PCSK5: variants seen among roughly 807,000 people sequenced by gnomAD.
PCSK5 encodes prohormone convertase 5.
PCSK5 carries 129 observed loss-of-function variants against 233.2 expected under a neutral mutation model. The ratio of observed to expected loss-of-function variants is 0.55; its 90% CI spans 0.48 to 0.64. PCSK5 has a LOEUF of 0.64. Among genes scored for constraint, PCSK5 ranks in the 30% least tolerant of loss-of-function variants. The pLI, the probability that PCSK5 is intolerant of heterozygous loss-of-function variation, is 0.00. For synonymous variants in PCSK5, 825 were observed against 879.2 expected, an observed-to-expected ratio of 0.94 and a Z score of 1.09; for missense variants, 2,076 against 2,430.1, an observed-to-expected ratio of 0.85 and a Z score of 3.06.
At position 76,362,779 on chromosome 9, in the gene PCSK5, G is replaced by C. The variant is rs924478371; in HGVS notation, c.*3857G>C. Among the ~76,000 whole-genome samples the C allele has an allele frequency of 2.0e-5, 3 of 152,178 alleles. No individual in the cohort carries two copies. Among genetic ancestry groups the C allele is most frequent in the African/African-American group, 7.2e-5 (3 of 41,450 alleles). On this transcript the variant is annotated 3_prime_UTR_variant, in exon 38 of 38. Coordinates refer to ENST00000674117, the MANE Select transcript of PCSK5 (RefSeq NM_001372043.1). Reference sequence around the variant, plus strand: ...ATTGTAAAAATCCCTGTCCTGTGCTGTTTCGTTCTGATTACTGGTGCATGC... The same window carrying C: ...ATTGTAAAAATCCCTGTCCTGTGCTCTTTCGTTCTGATTACTGGTGCATGC...
intron 24 of PCSK5, among the ~76,000 whole-genome samples, chr9:76,268,817 T>A (rs1827420703): frequency 6.6e-6 from 1 of 152,114 alleles, no homozygotes; most frequent in African/African-American, 2.4e-5. Flanking sequence ...TGCACTCCAG[T>A]CTGGGTGACA....
chr9:75,908,626 T>A (rs900010226), intron 1 of PCSK5, among the ~76,000 whole-genome samples: 14 of 152,236 alleles, frequency 9.2e-5, no homozygotes, highest in Non-Finnish European at 2.9e-5. Context: ...CCTGCTTTTC[T>A]GCCTCTACTC....
chr9:76,117,664 A>G (rs950001253), intron 9 of PCSK5, among the ~76,000 whole-genome samples: 10 of 152,162 alleles, frequency 6.6e-5, no homozygotes, highest in African/African-American at 2.4e-4. Context: ...TTACATTCCT[A>G]TAACAAATTT....
At chr9:76,020,733 C>T (rs74409646) in intron 3 of PCSK5, among the ~76,000 whole-genome samples, 6,951 of 152,290 alleles carry the variant, frequency 0.046, 191 homozygotes, top group South Asian at 0.1. Flanking sequence ...TTTCCGTAGA[C>T]GGCTGGTTTT....
intron 20 of PCSK5, among the ~76,000 whole-genome samples, chr9:76,221,601 T>A (rs1440183728): frequency 6.6e-6 from 1 of 152,206 alleles, no homozygotes; most frequent in African/African-American, 2.4e-5. Context: ...GATTGCTACA[T>A]CACTACTACA....
chr9:76,276,916 ATGC>A (rs1180310713), intron 24 of PCSK5, among the ~76,000 whole-genome samples: 8 of 152,148 alleles, frequency 5.3e-5, no homozygotes, highest in Non-Finnish European at 1.2e-4. Context: ...ACAAAAATTT[ATGC>A]TTTGTTTTCA....
chr9:75,930,436 G>A (rs1823734044), intron 1 of PCSK5, among the ~76,000 whole-genome samples: 2 of 152,184 alleles, frequency 1.3e-5, no homozygotes, highest in African/African-American at 4.8e-5. Context: ...CAGTGAGTTA[G>A]ATGAAGCGTA....
intron 3 of PCSK5, among the ~76,000 whole-genome samples, chr9:75,986,671 G>T (rs1053843420): frequency 6.6e-6 from 1 of 152,194 alleles, no homozygotes; most frequent in South Asian, 2.1e-4. Flanking sequence ...CTGCTGGTAA[G>T]TAATAGGCCC....
intron 32 of PCSK5, among the ~76,000 whole-genome samples, chr9:76,325,694 A>G (rs926725975): frequency 1.3e-5 from 2 of 150,606 alleles, no homozygotes; most frequent in African/African-American, 4.9e-5. Context: ...CTGGAGTGCA[A>G]TGGCGCGATC....
intron 35 of PCSK5, among the ~76,000 whole-genome samples, chr9:76,345,405 G>C (rs538631735): frequency 4.0e-5 from 6 of 150,702 alleles, no homozygotes; most frequent in Non-Finnish European, 7.4e-5. Context: ...GCTTATTTTC[G>C]TATTCTTTGT....
intron 36 of PCSK5, among the ~76,000 whole-genome samples, chr9:76,351,448 G>GGAAAGAA (rs1830124092): frequency 2.3e-5 from 1 of 43,262 alleles, no homozygotes; most frequent in Non-Finnish European, 4.2e-5. Context: ...TGAAAGAAAG[G>GGAAAGAA]AAAGAAAGAA....
rs764689194 is a variant in PCSK5, at chr9:76,338,465, A to G, written c.4966+18A>G. 1 of 1,545,570 alleles carries G rather than the reference A, an allele frequency of 6.5e-7. No individual in the cohort carries two copies. Among genetic ancestry groups the G allele is most frequent in the East Asian group, 2.3e-5 (1 of 44,444 alleles). Reference sequence around the variant, plus strand: ...ATGCAAAGGTGAGAGTCTACCTGTCATTTTGCATGAGTGCGTAGAAAAATG... The same window carrying G: ...ATGCAAAGGTGAGAGTCTACCTGTCGTTTTGCATGAGTGCGTAGAAAAATG... On this transcript the variant is annotated intron_variant, in intron 35 of 37. Transcript: ENST00000674117.
At chr9:76,265,075 C>T (rs561778935) in intron 24 of PCSK5, among the ~76,000 whole-genome samples, 21 of 152,038 alleles carry the variant, frequency 1.4e-4, no homozygotes, top group African/African-American at 4.6e-4. Flanking sequence ...ACTATGCAGC[C>T]ATAAAAAAGA....
At chr9:75,945,032 T>C (rs1824499138) in intron 2 of PCSK5, among the ~76,000 whole-genome samples, 1 of 151,480 alleles carries the variant, frequency 6.6e-6, no homozygotes, top group Non-Finnish European at 1.5e-5. Flanking sequence ...TTGCTTGAAC[T>C]CGGGAGGTGG....
chr9:76,035,829 A>C (rs1298005716), intron 5 of PCSK5, among the ~76,000 whole-genome samples: 1 of 152,156 alleles, frequency 6.6e-6, no homozygotes, highest in Non-Finnish European at 1.5e-5. Context: ...TAAGAGGTAG[A>C]GACTGAGGCC....
intron 33 of PCSK5, among the ~76,000 whole-genome samples, chr9:76,332,051 T>C (rs1829551644): frequency 6.6e-6 from 1 of 152,152 alleles, no homozygotes; most frequent in Non-Finnish European, 1.5e-5. Context: ...AGCTGGACAA[T>C]GAGCCATTGC....
chr9:76,012,577 T>C (rs1430499703), intron 3 of PCSK5, among the ~76,000 whole-genome samples: 1 of 152,228 alleles, frequency 6.6e-6, no homozygotes, highest in African/African-American at 2.4e-5. Flanking sequence ...CTTCAACTAT[T>C]GATACTAAGT....
intron 30 of PCSK5, among the ~76,000 whole-genome samples, chr9:76,312,705 G>A (rs1828898572): frequency 6.6e-6 from 1 of 152,134 alleles, no homozygotes; most frequent in Non-Finnish European, 1.5e-5. Flanking sequence ...CAACAACACA[G>A]ATTTAGCACC....
chr9:75,999,199 A>C (rs1487151410), intron 3 of PCSK5, among the ~76,000 whole-genome samples: 7 of 152,014 alleles, frequency 4.6e-5, no homozygotes, highest in East Asian at 1.9e-4. Context: ...TCTTAATGCT[A>C]TCCCTCCCCT....
Sources: gnomAD v4.1 joint callset for allele counts (sites outside exome capture counted in the v4.1 genomes callset) on GRCh38, gnomAD v4.1.1 for gene constraint, MANE v1.5 for transcripts, NCBI Gene and HGNC (gene_info 2026-07-23, HGNC 2026-07-21) for gene names.